PDE8A: variants seen among roughly 807,000 people sequenced by gnomAD.
PDE8A encodes the protein phosphodiesterase 8A, also known as high affinity cAMP-specific and IBMX-insensitive 3',5'-cyclic phosphodiesterase 8A.
Under a neutral mutation model 105.0 loss-of-function variants are expected in PDE8A, and 59 were observed. The ratio of observed to expected loss-of-function variants is 0.56; its 90% CI spans 0.46 to 0.70. The LOEUF is 0.70. PDE8A is among the 30% of genes least tolerant of loss of function. The pLI, the probability that PDE8A is intolerant of heterozygous loss-of-function variation, is 0.00. For missense variants in PDE8A, 1,014 were observed against 1,045.9 expected, an observed-to-expected ratio of 0.97 and a Z score of 0.42; for synonymous variants, 355 against 371.9, an observed-to-expected ratio of 0.95 and a Z score of 0.52.
intron 2 of PDE8A, among the ~76,000 whole-genome samples, chr15:85,065,565 A>G (rs1242570571): frequency 1.3e-5 from 2 of 152,078 alleles, no homozygotes; most frequent in African/African-American, 4.8e-5. Flanking sequence ...TTCATTCACT[A>G]TTACATTTAA....
At chr15:85,128,898 G>A (rs2082294431) in intron 20 of PDE8A, among the ~76,000 whole-genome samples, 1 of 152,246 alleles carries the variant, frequency 6.6e-6, no homozygotes, top group Non-Finnish European at 1.5e-5. Context: ...TGTTGAAGAT[G>A]TGGAGCAACT....
chr15:85,027,418 T>C (rs575283880), intron 1 of PDE8A, among the ~76,000 whole-genome samples: 15 of 152,288 alleles, frequency 9.8e-5, no homozygotes, highest in African/African-American at 3.4e-4. Flanking sequence ...GGTAAAGCAA[T>C]CTCAGGAAAG....
At chr15:84,992,376 G>A (rs1038938554) in intron 1 of PDE8A, among the ~76,000 whole-genome samples, 7 of 152,132 alleles carry the variant, frequency 4.6e-5, no homozygotes, top group African/African-American at 7.2e-5. Context: ...GGAAGGGTAC[G>A]GGGGTTGGGT....
chr15:85,101,726 T>C (rs1295280939), intron 11 of PDE8A, among the ~76,000 whole-genome samples: 1 of 152,072 alleles, frequency 6.6e-6, no homozygotes, highest in East Asian at 1.9e-4. Context: ...CAGGGAATAA[T>C]AAGGTGATGA....
intron 7 of PDE8A, 76 bp from the exon 8 acceptor site, chr15:85,090,968 T>G (rs2081633226): frequency 4.4e-6 from 6 of 1,356,134 alleles, no homozygotes; most frequent in Non-Finnish European, 6.1e-6. Context: ...AGGGCTTAGG[T>G]CGAAGACCTT....
At chr15:84,996,850 A>AAAT in intron 1 of PDE8A, among the ~76,000 whole-genome samples, 1 of 146,762 alleles carries the variant, frequency 6.8e-6, no homozygotes, top group Admixed American at 6.7e-5. Flanking sequence ...AAAAAAAAAA[A>AAAT]GGTGGTACAC....
intron 8 of PDE8A, among the ~76,000 whole-genome samples, chr15:85,097,587 C>A (rs117158241): frequency 6.6e-6 from 1 of 152,298 alleles, no homozygotes; most frequent in Non-Finnish European, 1.5e-5. Context: ...TCTTCCCCTC[C>A]CAAACACAGG....
intron 2 of PDE8A, 38 bp from the exon 3 acceptor site, chr15:85,066,976 C>A (rs1465178248): frequency 1.4e-6 from 2 of 1,452,318 alleles, no homozygotes; most frequent in East Asian, 2.3e-5. Context: ...ATTCTAACAT[C>A]TTTTTTTAAA....
At chr15:85,034,376 T>A (rs1438321160) in intron 1 of PDE8A, among the ~76,000 whole-genome samples, 1 of 151,976 alleles carries the variant, frequency 6.6e-6, no homozygotes, top group Non-Finnish European at 1.5e-5. Flanking sequence ...TACAGCAAAG[T>A]AGATGGCAAT....
intron 1 of PDE8A, among the ~76,000 whole-genome samples, chr15:85,037,406 A>G (rs1708178256): frequency 6.6e-6 from 1 of 152,176 alleles, no homozygotes; most frequent in South Asian, 2.1e-4. Flanking sequence ...CAGATTAAAA[A>G]AGAGCATTCC....
chr15:85,017,019 T>A (rs540544392), intron 1 of PDE8A, among the ~76,000 whole-genome samples: 1 of 151,222 alleles, frequency 6.6e-6, no homozygotes, highest in South Asian at 2.1e-4. Flanking sequence ...CCCAGCACTT[T>A]GGGAGGCCGA....
At chr15:85,056,794 G>T (rs547208348) in intron 1 of PDE8A, among the ~76,000 whole-genome samples, 1 of 152,238 alleles carries the variant, frequency 6.6e-6, no homozygotes, top group South Asian at 2.1e-4. Flanking sequence ...ATTACCGATT[G>T]TCTGAAGCCT....
At chr15:85,094,246 G>T (rs1053703473) in intron 8 of PDE8A, among the ~76,000 whole-genome samples, 1 of 151,926 alleles carries the variant, frequency 6.6e-6, no homozygotes, top group African/African-American at 2.4e-5. Context: ...CCAAGTAAAT[G>T]GTGGCTACTT....
intron 1 of PDE8A, among the ~76,000 whole-genome samples, chr15:85,047,657 A>T (rs1409393428): frequency 6.6e-6 from 1 of 152,216 alleles, no homozygotes; most frequent in East Asian, 1.9e-4. Flanking sequence ...TCTTAAAATA[A>T]ATCCAAAGGT....
chr15:85,080,232 T>G (rs2081443681), intron 5 of PDE8A, among the ~76,000 whole-genome samples: 1 of 152,202 alleles, frequency 6.6e-6, no homozygotes, highest in African/African-American at 2.4e-5. Context: ...GTTTCCCCCT[T>G]TTTGGACAAC....
chr15:85,100,181 A>T lies in PDE8A; in HGVS notation c.1019A>T (p.Gln340Leu), dbSNP rs2081837244. ...GCTGAGAAAATATCCGAATGTGTTCAGTCTGACACTCATACAGGTACGGTG... is the reference window on the plus strand; with the variant it reads ...GCTGAGAAAATATCCGAATGTGTTCTGTCTGACACTCATACAGGTACGGTG... The part of the protein sequence containing the change: ...NKAEKISECV[Q>L]SDTHTDNQTG... The change falls in exon 11 of 22, where the codon CAG (glutamine) becomes CTG (leucine). Residue 340 changes from glutamine to leucine, a missense_variant. Coordinates refer to ENST00000394553, the MANE Select transcript of PDE8A (RefSeq NM_002605.3). 1.2e-6 allele frequency: 2 copies of T among 1,613,582 alleles called. No homozygotes were observed. The highest frequency in any genetic ancestry group is 1.3e-5 in the African/African-American group (1 of 74,940).
chr15:84,982,406 A>C, intron 1 of PDE8A, 58 bp downstream of exon 1: 1 of 1,180,976 alleles, frequency 8.5e-7, no homozygotes, highest in Non-Finnish European at 1.1e-6. Flanking sequence ...CCAGTAAGCA[A>C]CTTTCCCGCA....
At position 85,117,673 on chromosome 15, in the gene PDE8A, C is replaced by T; in HGVS notation, c.1568C>T (p.Ala523Val). Reference protein sequence around the residue: ...PLIYLGLKMFARFGICEFLHC... With the variant: ...PLIYLGLKMFVRFGICEFLHC... ...ATTTATCTTGGTCTCAAAATGTTTG[C>T]TCGCTTTGGAATCTGTGAATTCTTA... The change falls in exon 17 of 22, where the codon GCT (alanine) becomes GTT (valine). Residue 523 changes from alanine (A) to valine (V), a missense_variant. Ala to Val is a moderately conservative substitution (Grantham distance 64). Transcript: ENST00000394553. The T allele has an allele frequency of 6.2e-7, 1 of 1,614,108 alleles. No individual in the cohort carries two copies. The highest frequency in any genetic ancestry group is 8.5e-7 in the Non-Finnish European group (1 of 1,179,968).
At chr15:85,099,153 C>G (rs1596517868) in intron 9 of PDE8A, among the ~76,000 whole-genome samples, 1 of 152,194 alleles carries the variant, frequency 6.6e-6, no homozygotes, top group South Asian at 2.1e-4. Context: ...CTGGCCAGTT[C>G]TCAATGTGTG....
Sources: allele counts gnomAD v4.1 joint callset (sites outside exome capture counted in the v4.1 genomes callset), GRCh38; gene constraint gnomAD v4.1.1; transcripts MANE v1.5; gene names NCBI Gene and HGNC (gene_info 2026-07-23, HGNC 2026-07-21).